KCNN2: variants seen among roughly 807,000 people sequenced by gnomAD.
The protein encoded by KCNN2 is small conductance calcium-activated potassium channel protein 2.
KCNN2 carries 24 observed loss-of-function variants against 55.5 expected under a neutral mutation model. The ratio of observed to expected loss-of-function variants is 0.43; its 90% CI spans 0.31 to 0.61. The LOEUF is 0.61. Among genes scored for constraint, KCNN2 ranks in the 20% least tolerant of loss-of-function variants. The pLI, the probability that KCNN2 is intolerant of heterozygous loss-of-function variation, is 0.08. For synonymous variants in KCNN2, 431 were observed against 336.1 expected, an observed-to-expected ratio of 1.28 and a Z score of -3.09; for missense variants, 754 against 853.6, an observed-to-expected ratio of 0.88 and a Z score of 1.45.
At chr5:114,495,726 G>A (rs1748081871) in intron 7 of KCNN2, among the ~76,000 whole-genome samples, 169 bp from the exon 8 acceptor site, 1 of 152,130 alleles carries the variant, frequency 6.6e-6, no homozygotes, top group African/African-American at 2.4e-5. Context: ...ATAAATCCTG[G>A]CATTGAACAC....
intron 6 of KCNN2, among the ~76,000 whole-genome samples, chr5:114,488,690 G>A (rs1301657712): frequency 1.3e-5 from 2 of 152,086 alleles, no homozygotes; most frequent in African/African-American, 4.8e-5. Context: ...TGTGGAACAG[G>A]CATCTTCCTC....
At chr5:114,124,061 C>T (rs868077320) in intron 1 of KCNN2, among the ~76,000 whole-genome samples, 4 of 152,140 alleles carry the variant, frequency 2.6e-5, no homozygotes, top group African/African-American at 4.8e-5. Flanking sequence ...ATGCTTGTTA[C>T]GGTTTATAAC....
intron 2 of KCNN2, among the ~76,000 whole-genome samples, chr5:114,248,174 AG>A (rs1294728802): frequency 6.6e-6 from 1 of 152,216 alleles, no homozygotes; most frequent in Non-Finnish European, 1.5e-5. Flanking sequence ...TTACATGGAC[AG>A]GAAAGAGGGA....
intron 2 of KCNN2, among the ~76,000 whole-genome samples, chr5:114,355,187 C>T (rs183419735): frequency 5.4e-4 from 82 of 151,930 alleles, no homozygotes; most frequent in African/African-American, 1.9e-3. Flanking sequence ...TAAAGTTAGA[C>T]GAAGAGTAGT....
chr5:114,495,114 C>G (rs1748049947), intron 7 of KCNN2, among the ~76,000 whole-genome samples: 1 of 152,128 alleles, frequency 6.6e-6, no homozygotes, highest in Admixed American at 6.5e-5. Context: ...TATGGATACC[C>G]TGTGATCAAG....
chr5:114,359,489 G>C (rs1212819808), upstream of KCNN2, among the ~76,000 whole-genome samples: 3 of 152,142 alleles, frequency 2.0e-5, no homozygotes, highest in African/African-American at 7.2e-5. Flanking sequence ...TGGTTTTGGA[G>C]CCTCTGTTGA....
intron 2 of KCNN2, among the ~76,000 whole-genome samples, chr5:114,270,483 C>A (rs1755305320): frequency 6.6e-6 from 1 of 152,032 alleles, no homozygotes; most frequent in Admixed American, 6.6e-5. Flanking sequence ...ACTATAAAAG[C>A]TGAATTATCT....
chr5:114,247,042 G>T (rs958676999), intron 2 of KCNN2, among the ~76,000 whole-genome samples: 13 of 151,304 alleles, frequency 8.6e-5, no homozygotes, highest in Non-Finnish European at 1.8e-4. Flanking sequence ...GGGCACTCAC[G>T]CCTGTAATCC....
At chr5:114,384,634 A>T (rs1290626103) in intron 2 of KCNN2, among the ~76,000 whole-genome samples, 1 of 152,220 alleles carries the variant, frequency 6.6e-6, no homozygotes, top group African/African-American at 2.4e-5. Flanking sequence ...CCAGGGAAAG[A>T]TCTCTGGTAA....
exon 1 of KCNN2, chr5:114,056,228 C>G (rs1395316589): frequency 2.0e-5 from 8 of 395,982 alleles, no homozygotes; most frequent in African/African-American, 1.0e-4. Flanking sequence ...CCGGAGCTCT[C>G]CGGCTGGCTC....
At chr5:114,085,639 T>G (rs10050447) in intron 1 of KCNN2, among the ~76,000 whole-genome samples, 65,570 of 151,874 alleles carry the variant, frequency 0.43, 14,474 homozygotes, top group East Asian at 0.66. Context: ...TTAAAATTTA[T>G]TGAGACATGT....
At chr5:114,079,109 C>T (rs1405006215) in intron 1 of KCNN2, among the ~76,000 whole-genome samples, 1 of 151,998 alleles carries the variant, frequency 6.6e-6, no homozygotes, top group East Asian at 1.9e-4. Context: ...TTTGTAAAAA[C>T]CTATACAGAG....
intron 1 of KCNN2, among the ~76,000 whole-genome samples, chr5:114,191,687 GCTAA>G (rs1162032043): frequency 1.3e-5 from 2 of 152,148 alleles, no homozygotes; most frequent in South Asian, 2.1e-4. Flanking sequence ...TGGACATGCT[GCTAA>G]CTAAGAATGG....
chr5:114,434,745 C>T (rs1314846370), intron 3 of KCNN2, among the ~76,000 whole-genome samples: 4 of 152,046 alleles, frequency 2.6e-5, no homozygotes, highest in Non-Finnish European at 4.4e-5. Context: ...AGGTTTTTTT[C>T]CTCTCCCATT....
intron 1 of KCNN2, among the ~76,000 whole-genome samples, chr5:114,181,935 A>T (rs925481770): frequency 1.3e-5 from 2 of 152,092 alleles, no homozygotes; most frequent in Non-Finnish European, 2.9e-5. Flanking sequence ...GGTCACTTGA[A>T]CCCGGGAGGT....
intron 1 of KCNN2, among the ~76,000 whole-genome samples, chr5:114,193,471 A>G (rs1334904787): frequency 6.6e-6 from 1 of 152,182 alleles, no homozygotes; most frequent in Non-Finnish European, 1.5e-5. Flanking sequence ...GCCTTCAGAC[A>G]GATAATAGTG....
At chr5:114,342,262 A>G (rs942575342) in intron 2 of KCNN2, among the ~76,000 whole-genome samples, 1 of 151,914 alleles carries the variant, frequency 6.6e-6, no homozygotes, top group Non-Finnish European at 1.5e-5. Context: ...TTATGCACTT[A>G]CTCAAATAGC....
At chr5:114,494,219 T>C (rs570686060) in intron 7 of KCNN2, among the ~76,000 whole-genome samples, 14 of 151,060 alleles carry the variant, frequency 9.3e-5, no homozygotes, top group South Asian at 6.3e-4. Flanking sequence ...TTTACCCAAA[T>C]GCTTTGAAAG....
In KCNN2 at chr5:114,067,258, T is replaced by C. The variant is rs191192546; in HGVS notation, c.-271+10758T>C. On this transcript the variant is annotated intron_variant, in intron 1 of 10. Transcript: ENST00000512097. The stretch of plus-strand genomic sequence containing the variant: ...GAAGTGTGAATGCTTTGAGCTTCCC[T>C]TTTGACCAGAATTTATCTAAGTGTG... 4.3e-3 allele frequency among the ~76,000 whole-genome samples: 652 copies of C among 152,320 alleles called. 3 individuals are homozygous for C. The highest frequency in any genetic ancestry group is 0.015 in the African/African-American group (628 of 41,574).
Sources: allele counts gnomAD v4.1 joint callset (sites outside exome capture counted in the v4.1 genomes callset), GRCh38; gene constraint gnomAD v4.1.1; transcripts MANE v1.5; gene names NCBI Gene and HGNC (gene_info 2026-07-23, HGNC 2026-07-21).